Variants in MDH1B observed in about 807,000 individuals in gnomAD.
The protein encoded by MDH1B is putative malate dehydrogenase 1B.
In MDH1B, 60 loss-of-function variants were observed where a neutral mutation model predicts 61.4. The observed-to-expected ratio is 0.98, with a 90% CI of 0.79 to 1.21. The LOEUF is 1.21. Ranked by LOEUF, MDH1B falls within the 50% of genes most tolerant of loss-of-function variation. The pLI is 0.00. For missense variants in MDH1B, 587 were observed against 632.1 expected (o/e 0.93, Z 0.76); for synonymous variants, 236 against 218.7 (o/e 1.08, Z -0.70).
At chr2:206,742,508 T>C (rs748015654) in intron 9 of MDH1B, among the ~76,000 whole-genome samples, 2 of 152,136 alleles carry the variant, frequency 1.3e-5, no homozygotes, top group Non-Finnish European at 1.5e-5. Context: ...ATAAACCCTG[T>C]GCTGCCTGAG....
Position 206,738,512 on chromosome 2 carries a change from C to G in MDH1B, c.1529-1G>C. On this transcript the variant is annotated splice_acceptor_variant, in intron 11 of 11. Coordinates refer to ENST00000374412, the MANE Select transcript of MDH1B (RefSeq NM_001039845.3). LOFTEE classifies it high-confidence loss of function. ...GATTCCACGGTTTTGCCTTCAAATT[C>G]TGTAAAAGGAAAAGAATGAAAAGAC... 1 of 1,575,926 alleles carries G rather than the reference C, an allele frequency of 6.3e-7. No individual in the cohort carries two copies. Among genetic ancestry groups the G allele is most frequent in the Non-Finnish European group, 8.7e-7 (1 of 1,154,640 alleles).
chr2:206,742,710 T>C (rs1687878163), intron 9 of MDH1B, among the ~76,000 whole-genome samples: 2 of 132,450 alleles, frequency 1.5e-5, no homozygotes, highest in African/African-American at 6.3e-5. Context: ...TTGATGTCTC[T>C]ATTTTTTTTT....
rs573427013 is a variant in MDH1B at position 206,755,081 on chromosome 2, T to C, written c.838A>G (p.Ile280Val). The C allele has an allele frequency of 1.2e-6, 2 of 1,614,226 alleles. No homozygotes were observed. The highest frequency in any genetic ancestry group is 2.2e-5 in the South Asian group (2 of 91,092). The change falls in exon 5 of 12, where the codon ATT becomes GTT. Residue 280 changes from isoleucine (I) to valine (V), a missense_variant. Ile to Val is a conservative substitution (Grantham distance 29). Coordinates refer to ENST00000374412, the MANE Select transcript of MDH1B (RefSeq NM_001039845.3). ...CCTTCCACCCCCAGCGCCACAGCAA[T>C]AATGTTGTGTGCAATGCGTGGGGCA... ...RYAPRIAHNI[I>V]AVALGVEGEA... is the part of the protein sequence containing the mutation.
At chr2:206,747,949 G>A (rs1038864335) in intron 7 of MDH1B, among the ~76,000 whole-genome samples, 2 of 152,174 alleles carry the variant, frequency 1.3e-5, no homozygotes, top group South Asian at 4.1e-4. Context: ...GCTAGAGCTC[G>A]GCAGAGAGGT....
At chr2:206,759,177 C>T (rs944750192) in intron 2 of MDH1B, among the ~76,000 whole-genome samples, 1 of 152,074 alleles carries the variant, frequency 6.6e-6, no homozygotes, top group Non-Finnish European at 1.5e-5. Context: ...TTGTTTCCCT[C>T]CCTGTGTCCA....
chr2:206,761,148 T>C, intron 1 of MDH1B, 135 bp from the exon 2 acceptor site: 1 of 494,008 alleles, frequency 2.0e-6, no homozygotes, highest in Non-Finnish European at 3.6e-6. Flanking sequence ...CAGTATAAAC[T>C]GCTATTACAT....
At chr2:206,761,483 C>T (rs1313365214) in intron 1 of MDH1B, among the ~76,000 whole-genome samples, 2 of 152,014 alleles carry the variant, frequency 1.3e-5, no homozygotes, top group Non-Finnish European at 2.9e-5. Context: ...TATTTTCCGG[C>T]TTGGGCAGAT....
intron 10 of MDH1B, among the ~76,000 whole-genome samples, chr2:206,740,614 G>A (rs1449639383): frequency 3.3e-5 from 5 of 152,090 alleles, no homozygotes; most frequent in African/African-American, 1.2e-4. Context: ...TATATGATGA[G>A]ATATATATAC....
intron 2 of MDH1B, among the ~76,000 whole-genome samples, chr2:206,760,420 G>A (rs376411995): frequency 1.3e-5 from 2 of 152,278 alleles, no homozygotes; most frequent in South Asian, 4.1e-4. Context: ...GCCCTCTGTT[G>A]CAGCTATGTC....
chr2:206,760,887 TA>T lies in MDH1B; in HGVS notation c.135+13del. 6.7e-7 allele frequency: 1 copy of T among 1,482,230 alleles called. No homozygotes were observed. The highest frequency in any genetic ancestry group is 9.4e-7 in the Non-Finnish European group (1 of 1,062,858). 91.8% of individuals were successfully genotyped at this position (1,482,230 alleles called of 1,614,324 possible). A position where few individuals can be genotyped will look rare whatever the true frequency, so the allele number is the denominator to read the frequency against. On this transcript the variant is annotated intron_variant, in intron 2 of 11. Coordinates refer to ENST00000374412, the MANE Select transcript of MDH1B (RefSeq NM_001039845.3). Reference sequence around the variant, plus strand: ...GTGCATGAGTGAGTTCAACAAACTATAAAGGCTTCTTACCTCCCAAACCTCA... The same window carrying T: ...GTGCATGAGTGAGTTCAACAAACTATAAGGCTTCTTACCTCCCAAACCTCA...
intron 10 of MDH1B, 86 bp from the exon 11 acceptor site, chr2:206,739,747 T>A: frequency 1.6e-6 from 2 of 1,221,186 alleles, no homozygotes; most frequent in East Asian, 5.0e-5. Flanking sequence ...ATCTTGTTCC[T>A]TCCACTCTGA....
chr2:206,758,745 G>A (rs369577876), intron 2 of MDH1B, among the ~76,000 whole-genome samples: 3 of 151,174 alleles, frequency 2.0e-5, no homozygotes, highest in African/African-American at 4.9e-5. Flanking sequence ...TAGCCTGGGC[G>A]ACAAGGGCGA....
chr2:206,761,939 C>T, intron 1 of MDH1B, among the ~76,000 whole-genome samples: 1 of 152,172 alleles, frequency 6.6e-6, no homozygotes, highest in Non-Finnish European at 1.5e-5. Context: ...AATTATCTTT[C>T]TCCACTATCC....
chr2:206,744,987 C>T (rs984064849), intron 9 of MDH1B, among the ~76,000 whole-genome samples: 1 of 151,098 alleles, frequency 6.6e-6, no homozygotes, highest in Non-Finnish European at 1.5e-5. Flanking sequence ...ACGCCTGGTA[C>T]CTATGAATGT....
At chr2:206,747,652 T>C (rs1056983296) in intron 7 of MDH1B, among the ~76,000 whole-genome samples, 1 of 152,138 alleles carries the variant, frequency 6.6e-6, no homozygotes, top group Admixed American at 6.5e-5. Context: ...ACAATGCAAC[T>C]AATCATACTA....
chr2:206,743,246 C>T (rs1687918333), intron 9 of MDH1B, among the ~76,000 whole-genome samples: 1 of 152,190 alleles, frequency 6.6e-6, no homozygotes, highest in South Asian at 2.1e-4. Flanking sequence ...TCACAAATGA[C>T]CTTTGTCATA....
At chr2:206,753,940 T>C (rs1688601489) in intron 5 of MDH1B, among the ~76,000 whole-genome samples, 2 of 149,690 alleles carry the variant, frequency 1.3e-5, no homozygotes, top group Admixed American at 1.3e-4. Flanking sequence ...TAGTGTATCA[T>C]AGACTTTCTG....
rs1168485842 is a variant in MDH1B at position 206,765,317 on chromosome 2, T to G, written c.-46A>C. ...CAGGGACCGCGGCTTCGCGGTTTCC[T>G]GGCAACCACGCAGCCAAGGGCAAGG... On this transcript the variant is annotated 5_prime_UTR_variant, in exon 1 of 12. Coordinates refer to ENST00000374412, the MANE Select transcript of MDH1B (RefSeq NM_001039845.3). The G allele has an allele frequency of 1.3e-6, 2 of 1,573,168 alleles. No homozygotes were observed. The highest frequency in any genetic ancestry group is 2.3e-5 in the East Asian group (1 of 42,668).
chr2:206,752,991 T>G (rs1406032933), intron 5 of MDH1B, among the ~76,000 whole-genome samples: 1 of 143,756 alleles, frequency 7.0e-6, no homozygotes, highest in South Asian at 2.4e-4. Context: ...AGTCCAAGCC[T>G]GGACGAGGAG....
Sources: allele counts gnomAD v4.1 joint callset (sites outside exome capture counted in the v4.1 genomes callset), GRCh38; gene constraint gnomAD v4.1.1; transcripts MANE v1.5; gene names NCBI Gene and HGNC (gene_info 2026-07-23, HGNC 2026-07-21).